Variants in SPOCK2 observed in about 807,000 individuals in gnomAD.
SPOCK2 encodes SPARC (osteonectin), cwcv and kazal like domains proteoglycan 2, also known as testican-2.
In SPOCK2, 39 loss-of-function variants were observed where a neutral mutation model predicts 60.1. The ratio of observed to expected loss-of-function variants is 0.65; its 90% CI spans 0.50 to 0.85. SPOCK2 has a LOEUF of 0.85. Among genes scored for constraint, SPOCK2 ranks in the 40% least tolerant of loss-of-function variants. The probability of loss-of-function intolerance (pLI) is 0.00; values close to 1 mark genes in which losing one functional copy is unlikely to be tolerated. For synonymous variants in SPOCK2, 217 were observed against 231.5 expected, an observed-to-expected ratio of 0.94 and a Z score of 0.57; for missense variants, 523 against 567.4, an observed-to-expected ratio of 0.92 and a Z score of 0.80.
At chr10:72,079,129 G>A (rs1010500010) in intron 1 of SPOCK2, among the ~76,000 whole-genome samples, 26 of 152,210 alleles carry the variant, frequency 1.7e-4, no homozygotes, top group African/African-American at 6.0e-4. Context: ...GAGGCTCAGA[G>A]AGGTTAAGTG....
At chr10:72,072,680 CCT>C (rs10574710) in intron 2 of SPOCK2, 132 bp from the exon 3 acceptor site, 78,397 of 1,420,468 alleles carry the variant, frequency 0.055, 2,366 homozygotes, top group African/African-American at 0.076. Context: ...GTGGCTGACC[CCT>C]GTCCACCCAG....
At chr10:72,073,464 G>T (rs917318835) in intron 1 of SPOCK2, among the ~76,000 whole-genome samples, 1 of 152,230 alleles carries the variant, frequency 6.6e-6, no homozygotes, top group Non-Finnish European at 1.5e-5. Context: ...TACACGGAGT[G>T]AGGGAGGAGG....
At chr10:72,066,346 T>C (rs536729361) in intron 8 of SPOCK2, among the ~76,000 whole-genome samples, 54 of 133,176 alleles carry the variant, frequency 4.1e-4, no homozygotes, top group African/African-American at 1.8e-3. Flanking sequence ...TCTTTCCTTC[T>C]TTTTTTTTTT....
intron 1 of SPOCK2, among the ~76,000 whole-genome samples, chr10:72,080,674 G>T (rs1840771931): frequency 6.6e-6 from 1 of 152,144 alleles, no homozygotes; most frequent in Non-Finnish European, 1.5e-5. Context: ...CTTGGAGGGG[G>T]CGGCAGAGGC....
At chr10:72,077,743 ACC>A (rs1840732143) in intron 1 of SPOCK2, among the ~76,000 whole-genome samples, 1 of 152,140 alleles carries the variant, frequency 6.6e-6, no homozygotes, top group Non-Finnish European at 1.5e-5. Context: ...CCCTGGGAGA[ACC>A]CAGGCTCCTG....
Position 72,087,094 on chromosome 10 carries a change from C to A in SPOCK2, c.189+1046G>T, listed in dbSNP as rs1840868925. ...CAGGAGCAGCCGGCGTCGCCTCTGG[C>A]GCATCCGGGCCCATCCCCCACAGCA... On this transcript the variant is annotated intron_variant, in intron 1 of 10. Transcript: ENST00000373109. The surrounding 1 kb of genome is among the most constrained non-coding windows in gnomAD (Gnocchi z 4.7). 2 of 1,323,862 alleles carry A rather than the reference C, an allele frequency of 1.5e-6. No homozygotes were observed. Among genetic ancestry groups the A allele is most frequent in the African/African-American group, 3.0e-5 (2 of 67,202 alleles). The allele number at this position is 1,323,862 out of a possible 1,614,324, so 82.0% of individuals were successfully genotyped here.
chr10:72,073,036 C>G (rs1209496434), intron 1 of SPOCK2, 126 bp from the exon 2 acceptor site: 1 of 1,327,930 alleles, frequency 7.5e-7, no homozygotes, highest in African/African-American at 1.5e-5. Flanking sequence ...TGTGGCCGAG[C>G]AATGGCCTTC....
chr10:72,069,414 G>A (rs866456348), intron 5 of SPOCK2, among the ~76,000 whole-genome samples: 3 of 150,906 alleles, frequency 2.0e-5, no homozygotes, highest in African/African-American at 7.3e-5. Context: ...AGCAATTCCC[G>A]ACTCCTTGTT....
Position 72,067,600 on chromosome 10 carries a change from G to A in SPOCK2, c.709+13C>T. ...TTCCCTCCCTCCTCCAGGCAGAGCA[G>A]CAAGCTTCCTACCGCTGGCCGGGCC... On this transcript the variant is annotated intron_variant, in intron 7 of 10. Coordinates refer to ENST00000373109, the MANE Select transcript of SPOCK2 (RefSeq NM_001244950.2). 1 of 1,611,674 alleles carries A rather than the reference G, an allele frequency of 6.2e-7. No homozygotes were observed. Among genetic ancestry groups the A allele is most frequent in the East Asian group, 2.2e-5 (1 of 44,870 alleles).
At chr10:72,070,850 G>A (rs1196101195) in intron 4 of SPOCK2, among the ~76,000 whole-genome samples, 1 of 152,066 alleles carries the variant, frequency 6.6e-6, no homozygotes, top group Non-Finnish European at 1.5e-5. Context: ...TACCAAATGG[G>A]AGAGTTCACA....
chr10:72,071,728 C>A (rs1376477506), intron 4 of SPOCK2, among the ~76,000 whole-genome samples: 1 of 152,200 alleles, frequency 6.6e-6, no homozygotes, highest in Admixed American at 6.5e-5. Flanking sequence ...TGGCTTTCTC[C>A]TTGCTCATCT....
intron 4 of SPOCK2, among the ~76,000 whole-genome samples, chr10:72,071,484 C>A (rs546343801): frequency 1.3e-5 from 2 of 152,222 alleles, no homozygotes; most frequent in Non-Finnish European, 2.9e-5. Flanking sequence ...CCACTGCACC[C>A]AGCTGGAGCT....
intron 9 of SPOCK2, 37 bp from the exon 10 acceptor site, chr10:72,063,199 G>T (rs1530802): frequency 1.3e-6 from 2 of 1,551,468 alleles, no homozygotes. Flanking sequence ...CAGAGCAGGG[G>T]CCCAGGCTGT....
At chr10:72,064,741 A>AT (rs1840545004) in intron 8 of SPOCK2, among the ~76,000 whole-genome samples, 1 of 151,724 alleles carries the variant, frequency 6.6e-6, no homozygotes. Context: ...TTATTTATTT[A>AT]TTTTTTTGAG....
chr10:72,066,774 A>G (rs998835366), intron 8 of SPOCK2, 128 bp downstream of exon 8: 2 of 1,044,906 alleles, frequency 1.9e-6, no homozygotes, highest in African/African-American at 3.2e-5. Context: ...GGAAGTGGGC[A>G]AGCTGGGAAA....
At chr10:72,075,663 C>T (rs948056659) in intron 1 of SPOCK2, among the ~76,000 whole-genome samples, 1 of 152,304 alleles carries the variant, frequency 6.6e-6, no homozygotes, top group Non-Finnish European at 1.5e-5. Context: ...TCCCCCACTC[C>T]CTTCCTGACT....
intron 1 of SPOCK2, among the ~76,000 whole-genome samples, chr10:72,081,414 G>A (rs1287132032): frequency 2.0e-5 from 3 of 152,230 alleles, no homozygotes; most frequent in African/African-American, 7.2e-5. Flanking sequence ...TTCTATACAG[G>A]GCAGCCTTGA....
intron 5 of SPOCK2, chr10:72,070,079 T>A: frequency 2.1e-6 from 1 of 486,122 alleles, no homozygotes; most frequent in Non-Finnish European, 3.7e-6. Flanking sequence ...ACTCCCCACC[T>A]GCACCTGTCC....
chr10:72,084,181 T>C (rs1001279021), intron 1 of SPOCK2, among the ~76,000 whole-genome samples: 2 of 152,306 alleles, frequency 1.3e-5, no homozygotes, highest in Admixed American at 1.3e-4. Flanking sequence ...ACAGGCATGG[T>C]GTGGGCCAGC....
Sources: gnomAD v4.1 joint callset for allele counts (sites outside exome capture counted in the v4.1 genomes callset) on GRCh38, gnomAD v4.1.1 for gene constraint, Gnocchi (gnomAD v3.1) non-coding constraint, MANE v1.5 for transcripts, NCBI Gene and HGNC (gene_info 2026-07-23, HGNC 2026-07-21) for gene names.